B4GALNT2: variants seen among roughly 807,000 people sequenced by gnomAD.
The protein encoded by B4GALNT2 is beta-1,4-N-acetyl-galactosaminyltransferase 2 (SID blood group).
B4GALNT2 carries 42 observed loss-of-function variants against 51.1 expected under a neutral mutation model. That is an observed-to-expected ratio of 0.82 (90% CI 0.64 to 1.06). B4GALNT2 has a LOEUF of 1.06. Among genes scored for constraint, B4GALNT2 ranks in the 50% least tolerant of loss-of-function variants. The pLI, the probability that B4GALNT2 is intolerant of heterozygous loss-of-function variation, is 0.00. For missense variants in B4GALNT2, 602 were observed against 633.6 expected (o/e 0.95, Z 0.54); for synonymous variants, 253 against 251.7 (o/e 1.01, Z -0.05).
chr17:49,140,759 G>A (rs1270083140), intron 1 of B4GALNT2, among the ~76,000 whole-genome samples: 9 of 125,074 alleles, frequency 7.2e-5, no homozygotes, highest in African/African-American at 1.6e-4. Context: ...TCGCTCTGTC[G>A]CCAGGCTGGA....
At chr17:49,159,495 C>T (rs1253835309) in intron 6 of B4GALNT2, among the ~76,000 whole-genome samples, 2 of 152,210 alleles carry the variant, frequency 1.3e-5, no homozygotes, top group Non-Finnish European at 1.5e-5. Flanking sequence ...GCACCTGCCA[C>T]CATGCCCGGC....
chr17:49,152,166 C>T (rs2042763945), intron 3 of B4GALNT2, among the ~76,000 whole-genome samples: 1 of 152,220 alleles, frequency 6.6e-6, no homozygotes, highest in South Asian at 2.1e-4. Flanking sequence ...TGCTTGAGCC[C>T]AGCGGTTGGA....
chr17:49,159,354 T>A, intron 6 of B4GALNT2, 137 bp downstream of exon 6: 1 of 1,085,640 alleles, frequency 9.2e-7, no homozygotes, highest in Non-Finnish European at 1.3e-6. Context: ...TTTTGTTTTG[T>A]TTTTTGAGAC....
At chr17:49,133,648 C>G (rs1369043637) in intron 1 of B4GALNT2, among the ~76,000 whole-genome samples, 1 of 152,160 alleles carries the variant, frequency 6.6e-6, no homozygotes, top group Non-Finnish European at 1.5e-5. Flanking sequence ...CGCAGTGGCT[C>G]TCATCTGTAA....
At chr17:49,153,423 A>G (rs184664631) in intron 4 of B4GALNT2, among the ~76,000 whole-genome samples, 1 of 152,286 alleles carries the variant, frequency 6.6e-6, no homozygotes, top group Admixed American at 6.5e-5. Flanking sequence ...TCAAAAATAG[A>G]TAAAAAATAA....
At position 49,174,912 on chromosome 17, in the gene B4GALNT2, C is replaced by T. The variant is rs897640534; in HGVS notation, c.*5184C>T. The T allele has an allele frequency of 3.3e-5, 5 of 152,124 alleles. No individual in the cohort carries two copies. The highest frequency in any genetic ancestry group is 1.9e-4 in the East Asian group (1 of 5,196). The allele number at this position is 152,124 out of a possible 1,614,324, so 9.4% of individuals were successfully genotyped here. On this transcript the variant is annotated 3_prime_UTR_variant, in exon 11 of 11. Transcript: ENST00000393354. ...GACATACCCCATTTCATGCACCATA[C>T]GTTGACTTTGAGGGCTATACAATTG...
chr17:49,160,469 C>G, intron 6 of B4GALNT2, 86 bp from the exon 7 acceptor site: 3 of 1,254,206 alleles, frequency 2.4e-6, no homozygotes, highest in Non-Finnish European at 3.5e-6. Flanking sequence ...AACCTGTACT[C>G]GCCTGTCATG....
Position 49,153,576 on chromosome 17 carries a change from G to A in B4GALNT2, c.460+670G>A, listed in dbSNP as rs550783115. ...GGCTAGAGTGCAGTAGCATGATCTC[G>A]GGTCACTGCAACCTCCACCTCCCGG... is the stretch of plus-strand genomic sequence containing the variant. On this transcript the variant is annotated intron_variant, in intron 4 of 10. Coordinates refer to ENST00000393354, the MANE Select transcript of B4GALNT2 (RefSeq NM_001159387.2). Among the ~76,000 whole-genome samples, 12 of 151,606 alleles carry A rather than the reference G, an allele frequency of 7.9e-5. No individual in the cohort carries two copies. In the South Asian group the frequency reaches 2.5e-3, roughly 32 times the overall value.
intron 4 of B4GALNT2, 108 bp downstream of exon 4, chr17:49,153,014 T>G: frequency 1.0e-6 from 1 of 981,678 alleles, no homozygotes; most frequent in Non-Finnish European, 1.6e-6. Context: ...TCCAGCACTT[T>G]GGGAGTCCAA....
chr17:49,151,850 T>C (rs1247726784), intron 3 of B4GALNT2, among the ~76,000 whole-genome samples: 1 of 152,192 alleles, frequency 6.6e-6, no homozygotes, highest in African/African-American at 2.4e-5. Flanking sequence ...ATACACTTTC[T>C]TGTGATTTAG....
At chr17:49,163,936 C>A in intron 7 of B4GALNT2, 152 bp from the exon 8 acceptor site, 1 of 676,922 alleles carries the variant, frequency 1.5e-6, no homozygotes, top group Non-Finnish European at 2.5e-6. Flanking sequence ...ATGCAACTAA[C>A]AAACTCTTAT....
chr17:49,169,836 G>A lies in B4GALNT2; in HGVS notation c.*108G>A. On this transcript the variant is annotated 3_prime_UTR_variant, in exon 11 of 11. Transcript: ENST00000393354. ...TGAACGTTGTACCAAACCAGCTGGT[G>A]GGTAGGGAAAAGGGAAATGGCTCAG... 1 of 1,123,666 alleles carries A rather than the reference G, an allele frequency of 8.9e-7. No individual in the cohort carries two copies. The highest frequency in any genetic ancestry group is 1.9e-5 in the South Asian group (1 of 52,102). 69.6% of individuals were successfully genotyped at this position (1,123,666 alleles called of 1,614,324 possible).
intron 3 of B4GALNT2, 34 bp downstream of exon 3, chr17:49,142,206 G>A: frequency 6.2e-7 from 1 of 1,612,882 alleles, no homozygotes; most frequent in Non-Finnish European, 8.5e-7. Flanking sequence ...TGGGTTCTGA[G>A]ATGGAACAAA....
chr17:49,140,200 A>T (rs1451124198), intron 1 of B4GALNT2, among the ~76,000 whole-genome samples: 1 of 151,574 alleles, frequency 6.6e-6, no homozygotes, highest in African/African-American at 2.4e-5. Context: ...TCCCAGGTTC[A>T]CACCATTCTC....
chr17:49,128,520 AG>A (rs1370568505), upstream of B4GALNT2, among the ~76,000 whole-genome samples: 4 of 152,174 alleles, frequency 2.6e-5, no homozygotes, highest in African/African-American at 9.7e-5. Context: ...GTTTTCATTA[AG>A]AAGGATTTCA....
At chr17:49,154,108 AT>A (rs1191015724) in intron 4 of B4GALNT2, among the ~76,000 whole-genome samples, 1 of 151,282 alleles carries the variant, frequency 6.6e-6, no homozygotes, top group Non-Finnish European at 1.5e-5. Flanking sequence ...GGTTCAAGCC[AT>A]TCTCCTGCCT....
intron 1 of B4GALNT2, among the ~76,000 whole-genome samples, chr17:49,138,965 A>G (rs1567855024): frequency 6.6e-6 from 1 of 152,192 alleles, no homozygotes; most frequent in East Asian, 1.9e-4. Flanking sequence ...GAGATAATGC[A>G]CACAAAGCTC....
rs1359879750 is a variant in B4GALNT2 at position 49,173,961 on chromosome 17, G to T, written c.*4233G>T. 7.4e-6 allele frequency: 1 copy of T among 135,312 alleles called. No homozygotes were observed. Among genetic ancestry groups the T allele is most frequent in the Non-Finnish European group, 1.6e-5 (1 of 63,534 alleles). The allele number at this position is 135,312 out of a possible 1,614,324, so 8.4% of individuals were successfully genotyped here. A position where few individuals can be genotyped will look rare whatever the true frequency, so the allele number is the denominator to read the frequency against. On this transcript the variant is annotated 3_prime_UTR_variant, in exon 11 of 11. Coordinates refer to ENST00000393354, the MANE Select transcript of B4GALNT2 (RefSeq NM_001159387.2). ...GAGACTAGCATCTCCTCTAAGGTTA[G>T]AAAATGGCATAGGTAGGAATGCCTA... is the stretch of plus-strand genomic sequence containing the variant.
At chr17:49,129,446 G>A (rs552351341), upstream of B4GALNT2, among the ~76,000 whole-genome samples, 3 of 152,312 alleles carry the variant, frequency 2.0e-5, no homozygotes, top group Middle Eastern at 3.4e-3. Flanking sequence ...CCAGTGGGAT[G>A]AGCAGCTGCT....
Sources: gnomAD v4.1 joint callset for allele counts (sites outside exome capture counted in the v4.1 genomes callset) on GRCh38, gnomAD v4.1.1 for gene constraint, MANE v1.5 for transcripts, NCBI Gene and HGNC (gene_info 2026-07-23, HGNC 2026-07-21) for gene names.